The following CNTN1 variants were observed in gnomAD, a reference collection of about 807,000 sequenced individuals.
CNTN1 encodes the protein contactin-1.
Under a neutral mutation model 126.4 loss-of-function variants are expected in CNTN1, and 38 were observed. That is an observed-to-expected ratio of 0.30 (90% CI 0.23 to 0.39). The LOEUF (loss-of-function observed/expected upper bound fraction) is 0.39. Ranked by LOEUF, CNTN1 falls within the 10% of genes least tolerant of loss-of-function variation. The probability of loss-of-function intolerance (pLI) is 1.00; values close to 1 mark genes in which losing one functional copy is unlikely to be tolerated. For synonymous variants in CNTN1, 413 were observed against 422.6 expected (o/e 0.98, Z 0.28); for missense variants, 1,009 against 1,248.4 (o/e 0.81, Z 2.89).
At chr12:40,744,328 C>A (rs1187321876) in intron 1 of CNTN1, among the ~76,000 whole-genome samples, 2 of 151,000 alleles carry the variant, frequency 1.3e-5, no homozygotes, top group African/African-American at 4.9e-5. Context: ...AAGAACAAAA[C>A]AAAACACGGA....
At chr12:40,891,572 G>GT (rs1266863472) in intron 1 of CNTN1, among the ~76,000 whole-genome samples, 2 of 152,072 alleles carry the variant, frequency 1.3e-5, no homozygotes, top group Non-Finnish European at 2.9e-5. Context: ...AGAGTGTAAG[G>GT]TACGTAGCTA....
In CNTN1 at chr12:41,071,691, T is replaced by C. The variant is rs1950162307; in HGVS notation, c.*1656T>C. The C allele has an allele frequency of 6.6e-6, 1 of 152,180 alleles. No individual in the cohort carries two copies. The highest frequency in any genetic ancestry group is 2.4e-5 in the African/African-American group (1 of 41,452). 9.4% of individuals were successfully genotyped at this position (152,180 alleles called of 1,614,324 possible). The stretch of plus-strand genomic sequence containing the variant: ...ATGAAACTTTTAAAAATAAGTGAAA[T>C]GGATGATTTCCCAGTGGAAGTATGT... On this transcript the variant is annotated 3_prime_UTR_variant, in exon 24 of 24. Coordinates refer to ENST00000551295, the MANE Select transcript of CNTN1 (RefSeq NM_001843.4).
intron 1 of CNTN1, among the ~76,000 whole-genome samples, chr12:40,704,469 T>A (rs1413298771): frequency 6.6e-6 from 1 of 152,186 alleles, no homozygotes; most frequent in Non-Finnish European, 1.5e-5. Flanking sequence ...CATAGAGTCA[T>A]ATTTTTTCAT....
At chr12:41,036,012 G>A (rs1181608518) in intron 23 of CNTN1, among the ~76,000 whole-genome samples, 2 of 152,240 alleles carry the variant, frequency 1.3e-5, no homozygotes, top group East Asian at 3.9e-4. Context: ...AGATTGGAGT[G>A]AGACAAGAGG....
At chr12:40,863,807 G>A (rs1943194107) in intron 1 of CNTN1, among the ~76,000 whole-genome samples, 1 of 152,000 alleles carries the variant, frequency 6.6e-6, no homozygotes, top group African/African-American at 2.4e-5. Context: ...CTCATCTGTG[G>A]AAAAATTGTC....
intron 23 of CNTN1, among the ~76,000 whole-genome samples, chr12:41,057,098 T>G (rs1250461665): frequency 7.2e-6 from 1 of 138,998 alleles, no homozygotes; most frequent in Non-Finnish European, 1.5e-5. Flanking sequence ...TTATAAATAT[T>G]TAGATATTTA....
chr12:40,896,245 A>G (rs1272097316), intron 1 of CNTN1: 1 of 152,238 alleles, frequency 6.6e-6, no homozygotes, highest in African/African-American at 2.4e-5. Context: ...CACACTGTGC[A>G]AAGTATTTAA....
chr12:40,803,673 A>T (rs1271274388), intron 1 of CNTN1, among the ~76,000 whole-genome samples: 1 of 151,992 alleles, frequency 6.6e-6, no homozygotes, highest in African/African-American at 2.4e-5. Context: ...TTTTGGCTAG[A>T]CATATAAGTT....
chr12:40,836,167 C>T (rs2034159), intron 1 of CNTN1, among the ~76,000 whole-genome samples: 62,541 of 145,362 alleles, frequency 0.43, 13,738 homozygotes, highest in East Asian at 0.7. Flanking sequence ...AATATATAAT[C>T]GTATATATGT....
chr12:41,022,992 C>T (rs1948955174), intron 20 of CNTN1, among the ~76,000 whole-genome samples: 1 of 151,948 alleles, frequency 6.6e-6, no homozygotes, highest in Non-Finnish European at 1.5e-5. Context: ...ATTTATTGTT[C>T]TGCAGGAAAT....
intron 1 of CNTN1, among the ~76,000 whole-genome samples, chr12:40,904,194 AT>A (rs1362963318): frequency 6.6e-6 from 1 of 151,460 alleles, no homozygotes; most frequent in Non-Finnish European, 1.5e-5. Flanking sequence ...AATTTTTTGT[AT>A]TTTTAGTAGA....
chr12:40,851,363 G>A (rs958383823), intron 1 of CNTN1, among the ~76,000 whole-genome samples: 2 of 152,098 alleles, frequency 1.3e-5, no homozygotes, highest in African/African-American at 2.4e-5. Context: ...AAGTATATAC[G>A]TGCACACTCA....
intron 23 of CNTN1, among the ~76,000 whole-genome samples, chr12:41,039,350 A>C (rs11179589): frequency 0.17 from 25,344 of 152,046 alleles, 3,014 homozygotes; most frequent in African/African-American, 0.34. Context: ...CAGTTATATT[A>C]AGGATTTATA....
At chr12:40,816,552 T>C (rs762442523) in intron 1 of CNTN1, among the ~76,000 whole-genome samples, 49 of 152,060 alleles carry the variant, frequency 3.2e-4, no homozygotes, top group Admixed American at 1.0e-3. Context: ...TTCTTCTCTA[T>C]TAATCTAGCT....
At chr12:40,877,992 T>TTTTTC (rs1943729908) in intron 1 of CNTN1, among the ~76,000 whole-genome samples, 1 of 80,504 alleles carries the variant, frequency 1.2e-5, no homozygotes, top group Non-Finnish European at 2.4e-5. Context: ...TTTTTCCTTT[T>TTTTTC]TTTTTTTTTT....
At chr12:40,873,520 C>A (rs1943574385) in intron 1 of CNTN1, among the ~76,000 whole-genome samples, 1 of 151,910 alleles carries the variant, frequency 6.6e-6, no homozygotes, top group South Asian at 2.1e-4. Flanking sequence ...TTTTTTAAAC[C>A]AAAACATGTA....
intron 1 of CNTN1, among the ~76,000 whole-genome samples, chr12:40,842,850 T>C (rs1161080254): frequency 2.0e-5 from 3 of 152,154 alleles, no homozygotes; most frequent in Non-Finnish European, 4.4e-5. Flanking sequence ...TTTGTTATGT[T>C]TAATGTACAT....
At chr12:40,706,091 A>T (rs1223310145) in intron 1 of CNTN1, among the ~76,000 whole-genome samples, 1 of 115,618 alleles carries the variant, frequency 8.6e-6, no homozygotes, top group Non-Finnish European at 1.9e-5. Context: ...ATATCATTTG[A>T]TGCTTTATAT....
At chr12:40,830,672 G>A (rs1184016917) in intron 1 of CNTN1, among the ~76,000 whole-genome samples, 1 of 148,998 alleles carries the variant, frequency 6.7e-6, no homozygotes, top group African/African-American at 2.5e-5. Context: ...GTAGAAAGGT[G>A]TAATATTTCT....
Sources: gnomAD v4.1 joint callset for allele counts (sites outside exome capture counted in the v4.1 genomes callset) on GRCh38, gnomAD v4.1.1 for gene constraint, MANE v1.5 for transcripts, NCBI Gene and HGNC (gene_info 2026-07-23, HGNC 2026-07-21) for gene names.